Variants in ARHGAP22 observed in about 807,000 individuals in gnomAD.
The protein encoded by ARHGAP22 is Rho GTPase activating protein 22.
In ARHGAP22, 48 loss-of-function variants were observed where a neutral mutation model predicts 59.1. The observed-to-expected ratio is 0.81, with a 90% confidence interval of 0.64 to 1.03. ARHGAP22 has a LOEUF of 1.03. Ranked by LOEUF, ARHGAP22 falls within the 50% of genes least tolerant of loss-of-function variation. ARHGAP22 has a pLI of 0.00. For synonymous variants in ARHGAP22, 445 were observed against 416.4 expected (o/e 1.07, Z -0.84); for missense variants, 1,015 against 958.7 (o/e 1.06, Z -0.78).
intron 4 of ARHGAP22, among the ~76,000 whole-genome samples, chr10:48,469,000 G>A (rs2047979227): frequency 6.6e-6 from 1 of 152,210 alleles, no homozygotes; most frequent in Non-Finnish European, 1.5e-5. Context: ...CCCTGTCCAT[G>A]TTAAAGAGCA....
In ARHGAP22 at chr10:48,563,638, T is replaced by C. The variant is rs568156937; in HGVS notation, c.235-8088A>G. Among the ~76,000 whole-genome samples, 8 of 152,316 alleles carry C rather than the reference T, an allele frequency of 5.3e-5. No individual in the cohort carries two copies. The East Asian group carries it at 1.4e-3, about 26-fold the overall frequency. On this transcript the variant is annotated intron_variant, in intron 2 of 9. Coordinates refer to ENST00000249601, the MANE Select transcript of ARHGAP22 (RefSeq NM_021226.4). ...CTTTCGGGGAGCCATTATTCTACCT[T>C]ATACTACAGTAGACTACAGTATATC...
intron 2 of ARHGAP22, chr10:48,582,712 T>A: frequency 1.8e-6 from 1 of 565,912 alleles, no homozygotes; most frequent in Non-Finnish European, 3.1e-6. Context: ...GACAAGGACA[T>A]TCTCTATCAA....
chr10:48,607,714 A>G (rs1274974970), upstream of ARHGAP22, among the ~76,000 whole-genome samples: 1 of 152,228 alleles, frequency 6.6e-6, no homozygotes. Context: ...TTAGCAGCGG[A>G]GACAGATGCC....
intron 3 of ARHGAP22, among the ~76,000 whole-genome samples, chr10:48,498,194 C>A (rs1252680349): frequency 6.6e-6 from 1 of 152,050 alleles, no homozygotes; most frequent in East Asian, 1.9e-4. Flanking sequence ...GAAAGCTGGC[C>A]CGAGCAGGAC....
rs761899331 is a variant in ARHGAP22 at position 48,450,227 on chromosome 10, C to A, written c.1868+34G>T. ...CACGGCTCTCCCTGCAGGCTCCGCC[C>A]CGTCACAGGAGGCTCCACGGGGCAG... On this transcript the variant is annotated intron_variant, in intron 9 of 9. Transcript: ENST00000249601. 9 of 1,599,584 alleles carry A rather than the reference C, an allele frequency of 5.6e-6. No individual in the cohort carries two copies. The Admixed American group carries it at 1.2e-4, about 21-fold the overall frequency.
At chr10:48,654,867 CCTT>C (rs2062713205), upstream of ARHGAP22, among the ~76,000 whole-genome samples, 1 of 140,602 alleles carries the variant, frequency 7.1e-6, no homozygotes. Flanking sequence ...CTCTTTCTTT[CCTT>C]CTTTCTTTCT....
intron 1 of ARHGAP22, among the ~76,000 whole-genome samples, chr10:48,644,157 A>G (rs1046545198): frequency 6.6e-6 from 1 of 152,254 alleles, no homozygotes; most frequent in African/African-American, 2.4e-5. Context: ...CAAAAAAAGA[A>G]AGAAAGAAAG....
At chr10:48,592,483 A>G (rs1158409071) in intron 1 of ARHGAP22, among the ~76,000 whole-genome samples, 1 of 152,156 alleles carries the variant, frequency 6.6e-6, no homozygotes, top group Non-Finnish European at 1.5e-5. Context: ...TCCCAGTCCC[A>G]GGACCACTTT....
rs752933087 is a variant in ARHGAP22 at position 48,455,124 on chromosome 10, C to A, written c.670G>T (p.Val224Leu). 1 of 1,609,830 alleles carries A rather than the reference C, an allele frequency of 6.2e-7. No individual in the cohort carries two copies. The highest frequency in any genetic ancestry group is 1.1e-5 in the South Asian group (1 of 90,710). The change falls in exon 6 of 10, where the codon GTG (valine) becomes TTG (leucine). Residue 224 changes from valine (V) to leucine (L), a missense_variant. Physicochemically the swap from Val to Leu is conservative, Grantham distance 32. Transcript: ENST00000249601. ...TTCAGCAGGGAGGCCACCGTGTGCA[C>A]GTCTGTTGTGCTGTGGGGGGGAAGA... Reference protein sequence around the residue: ...EKPLFDSTTDVHTVASLLKLY... With the variant: ...EKPLFDSTTDLHTVASLLKLY...
At chr10:48,619,799 A>G (rs1366026026) in intron 1 of ARHGAP22, among the ~76,000 whole-genome samples, 2 of 152,228 alleles carry the variant, frequency 1.3e-5, no homozygotes, top group African/African-American at 4.8e-5. Flanking sequence ...CAAAGATTTT[A>G]TGAAGAAGAC....
At chr10:48,653,283 A>G (rs1015658634), upstream of ARHGAP22, among the ~76,000 whole-genome samples, 16 of 152,236 alleles carry the variant, frequency 1.1e-4, 1 homozygote, top group Non-Finnish European at 4.4e-5. Flanking sequence ...CACTGCTATA[A>G]AGATAAAACA....
intron 3 of ARHGAP22, among the ~76,000 whole-genome samples, chr10:48,513,087 G>C (rs1194619164): frequency 6.6e-6 from 1 of 152,020 alleles, no homozygotes; most frequent in Non-Finnish European, 1.5e-5. Context: ...CAGACACTGA[G>C]AGAGCATTGT....
chr10:48,470,316 G>C (rs537899199), intron 4 of ARHGAP22, among the ~76,000 whole-genome samples: 2 of 152,190 alleles, frequency 1.3e-5, no homozygotes, highest in Non-Finnish European at 2.9e-5. Context: ...AAATCATCCC[G>C]ACTAGCTTAC....
intron 3 of ARHGAP22, among the ~76,000 whole-genome samples, chr10:48,517,951 C>T (rs1486058007): frequency 3.9e-5 from 6 of 152,124 alleles, no homozygotes; most frequent in Admixed American, 2.6e-4. Context: ...TTGAGGCCTG[C>T]GTGCCTATCC....
intron 1 of ARHGAP22, among the ~76,000 whole-genome samples, chr10:48,648,340 G>T (rs1219644253): frequency 6.6e-6 from 1 of 152,184 alleles, no homozygotes; most frequent in African/African-American, 2.4e-5. Context: ...GATGTGGTGG[G>T]ACTGCACTTC....
At chr10:48,572,289 C>T (rs900506086) in intron 2 of ARHGAP22, among the ~76,000 whole-genome samples, 2 of 152,170 alleles carry the variant, frequency 1.3e-5, no homozygotes, top group South Asian at 2.1e-4. Flanking sequence ...AGGCACTAGC[C>T]CTAAGAAACA....
intron 1 of ARHGAP22, among the ~76,000 whole-genome samples, chr10:48,611,211 G>T (rs765534945): frequency 2.0e-5 from 3 of 152,168 alleles, no homozygotes; most frequent in Non-Finnish European, 4.4e-5. Flanking sequence ...GTGAGTGCTG[G>T]GTTCTCACAG....
At chr10:48,580,553 G>C (rs1464494112) in intron 2 of ARHGAP22, among the ~76,000 whole-genome samples, 2 of 152,342 alleles carry the variant, frequency 1.3e-5, no homozygotes, top group East Asian at 3.9e-4. Flanking sequence ...GAGGGTGACA[G>C]TAAGGGTCCA....
At chr10:48,639,862 T>C (rs371152901) in intron 1 of ARHGAP22, among the ~76,000 whole-genome samples, 1 of 152,092 alleles carries the variant, frequency 6.6e-6, no homozygotes, top group Non-Finnish European at 1.5e-5. Context: ...AAAAAGTCAA[T>C]TGAAACTGTC....
Sources: allele counts gnomAD v4.1 joint callset (sites outside exome capture counted in the v4.1 genomes callset), GRCh38; gene constraint gnomAD v4.1.1; transcripts MANE v1.5; gene names NCBI Gene and HGNC (gene_info 2026-07-23, HGNC 2026-07-21).